The following DLGAP2 variants were observed in gnomAD, a reference collection of about 807,000 sequenced individuals.
The protein encoded by DLGAP2 is disks large-associated protein 2.
In DLGAP2, 26 loss-of-function variants were observed where a neutral mutation model predicts 100.3. The observed-to-expected ratio is 0.26, with a 90% CI of 0.19 to 0.36. DLGAP2 has a LOEUF of 0.36. Among genes scored for constraint, DLGAP2 ranks in the 10% least tolerant of loss-of-function variants. DLGAP2 has a pLI of 1.00. For missense variants in DLGAP2, 1,858 were observed against 1,453.2 expected (o/e 1.28, Z -4.53); for synonymous variants, 886 against 630.1 (o/e 1.41, Z -6.08).
intron 3 of DLGAP2, among the ~76,000 whole-genome samples, chr8:1,348,990 T>C (rs1882801): frequency 0.61 from 92,688 of 151,660 alleles, 29,836 homozygotes; most frequent in East Asian, 0.92. Flanking sequence ...TAAATATTCT[T>C]AGCATTCATT....
At chr8:855,546 T>C (rs2128988547) in intron 1 of DLGAP2, among the ~76,000 whole-genome samples, 1 of 152,236 alleles carries the variant, frequency 6.6e-6, no homozygotes, top group South Asian at 2.1e-4. Context: ...CACAGACACA[T>C]CAGGAGGAGT....
At chr8:1,459,711 A>C (rs1584925637) in intron 3 of DLGAP2, among the ~76,000 whole-genome samples, 1 of 100,094 alleles carries the variant, frequency 1.0e-5, no homozygotes, top group Non-Finnish European at 1.8e-5. Context: ...TTTGAGATGG[A>C]GTCTTGTTCT....
chr8:791,772 G>C (rs558455398), intron 1 of DLGAP2, among the ~76,000 whole-genome samples: 14 of 152,166 alleles, frequency 9.2e-5, no homozygotes, highest in Non-Finnish European at 1.5e-4. Context: ...GAGAGAACCC[G>C]TTATGCCTCC....
At chr8:1,512,244 A>G (rs912201991) in intron 4 of DLGAP2, among the ~76,000 whole-genome samples, 1 of 152,214 alleles carries the variant, frequency 6.6e-6, no homozygotes, top group Non-Finnish European at 1.5e-5. Flanking sequence ...GCTCCTCCCC[A>G]TAAATTTCAA....
At chr8:808,355 G>A (rs36089508) in intron 1 of DLGAP2, among the ~76,000 whole-genome samples, 19,750 of 152,200 alleles carry the variant, frequency 0.13, 1,790 homozygotes, top group East Asian at 0.51. Flanking sequence ...CCTGAAGTTC[G>A]TGGTGTGGGG....
Position 1,697,153 on chromosome 8 carries a change from A to G in DLGAP2, c.2803A>G (p.Ser935Gly), listed in dbSNP as rs767595715. ...ACCCTGTGTGTGTCCCCAGGACCCCAGCGCCATGCCGAGGCCGACGTCGCA... is the reference window on the plus strand; with the variant it reads ...ACCCTGTGTGTGTCCCCAGGACCCCGGCGCCATGCCGAGGCCGACGTCGCA... Reference protein sequence around the residue: ...YWLCQQNMDPSAMPRPTSQDL... With the variant: ...YWLCQQNMDPGAMPRPTSQDL... Residue 935 changes from serine (S) to glycine (G), a missense_variant, in exon 14 of 15, where the codon AGC (serine) becomes GGC (glycine). By Grantham distance (56) the Ser-to-Gly change is moderately conservative. Coordinates refer to ENST00000637795, the MANE Select transcript of DLGAP2 (RefSeq NM_001346810.2). The G allele has an allele frequency of 1.5e-5, 23 of 1,584,066 alleles. No homozygotes were observed. The highest frequency in any genetic ancestry group is 1.9e-5 in the Non-Finnish European group (22 of 1,163,716).
intron 2 of DLGAP2, among the ~76,000 whole-genome samples, chr8:941,678 C>T (rs1799199612): frequency 6.6e-6 from 1 of 152,220 alleles, no homozygotes; most frequent in Non-Finnish European, 1.5e-5. Flanking sequence ...GTGTCCTAAG[C>T]AGCTGTGTCC....
chr8:998,052 C>T (rs1800835371), intron 2 of DLGAP2, among the ~76,000 whole-genome samples: 1 of 151,730 alleles, frequency 6.6e-6, no homozygotes, highest in Non-Finnish European at 1.5e-5. Flanking sequence ...TACAGTCATA[C>T]ACAGAAACAT....
intron 3 of DLGAP2, among the ~76,000 whole-genome samples, chr8:1,490,611 G>A (rs1002181559): frequency 1.6e-4 from 25 of 152,166 alleles, no homozygotes; most frequent in Non-Finnish European, 2.6e-4. Flanking sequence ...GTAGGTAAAG[G>A]TGAAATGGGC....
intron 6 of DLGAP2, among the ~76,000 whole-genome samples, chr8:1,601,500 C>T (rs1796623096): frequency 6.6e-6 from 1 of 152,212 alleles, no homozygotes; most frequent in South Asian, 2.1e-4. Flanking sequence ...GGTGCTCTGT[C>T]CCAGAGAGAT....
intron 2 of DLGAP2, among the ~76,000 whole-genome samples, chr8:1,136,494 A>G (rs1796416178): frequency 6.6e-6 from 1 of 152,194 alleles, no homozygotes; most frequent in Non-Finnish European, 1.5e-5. Context: ...CTGGCTCTGC[A>G]TAATCAAAGC....
Position 808,233 on chromosome 8 carries a change from A to G in DLGAP2, c.18+70408A>G, listed in dbSNP as rs112033317. ...CACATTTGACCTCTGCCTCAGTGAT[A>G]CGTGTTGACGATGACTTACATGTGC... On this transcript the variant is annotated intron_variant, in intron 1 of 14. Coordinates refer to ENST00000637795, the MANE Select transcript of DLGAP2 (RefSeq NM_001346810.2). Among the ~76,000 whole-genome samples, 581 of 152,296 alleles carry G rather than the reference A, an allele frequency of 3.8e-3. 2 individuals carry two copies. Among genetic ancestry groups the G allele is most frequent in the African/African-American group, 0.013 (550 of 41,558 alleles).
At chr8:887,367 T>A (rs1797943702) in intron 1 of DLGAP2, among the ~76,000 whole-genome samples, 2 of 152,226 alleles carry the variant, frequency 1.3e-5, no homozygotes, top group African/African-American at 4.8e-5. Flanking sequence ...ATTTAGCCCA[T>A]TTACATTTAA....
chr8:1,651,474 G>C (rs1425729235), intron 8 of DLGAP2, among the ~76,000 whole-genome samples: 1 of 152,194 alleles, frequency 6.6e-6, no homozygotes, highest in African/African-American at 2.4e-5. Flanking sequence ...GGAAGTTCCT[G>C]GCATACAACA....
chr8:897,467 CT>C (rs1798165012), intron 1 of DLGAP2, among the ~76,000 whole-genome samples: 1 of 152,230 alleles, frequency 6.6e-6, no homozygotes, highest in African/African-American at 2.4e-5. Context: ...GCGATGCTTC[CT>C]CACAGTTGTA....
intron 4 of DLGAP2, among the ~76,000 whole-genome samples, chr8:1,533,135 GAAA>G (rs58058808): frequency 7.7e-4 from 92 of 119,734 alleles, no homozygotes; most frequent in African/African-American, 2.6e-3. Flanking sequence ...TGATTCTAGG[GAAA>G]AAAAAAAAAA....
intron 8 of DLGAP2, among the ~76,000 whole-genome samples, chr8:1,646,413 C>A (rs1475898857): frequency 6.6e-6 from 1 of 152,154 alleles, no homozygotes; most frequent in African/African-American, 2.4e-5. Flanking sequence ...CCATCTCTCT[C>A]TATATGTGTT....
At chr8:770,529 C>G (rs1287780383) in intron 1 of DLGAP2, among the ~76,000 whole-genome samples, 1 of 152,168 alleles carries the variant, frequency 6.6e-6, no homozygotes, top group South Asian at 2.1e-4. Context: ...GCTGCCAATC[C>G]CCCGCCTCCT....
chr8:858,365 T>A (rs982771004), intron 1 of DLGAP2, among the ~76,000 whole-genome samples: 7 of 152,252 alleles, frequency 4.6e-5, no homozygotes, highest in African/African-American at 1.7e-4. Context: ...CTGCATGGCA[T>A]TCTGGAAAAG....
Sources: allele counts gnomAD v4.1 joint callset (sites outside exome capture counted in the v4.1 genomes callset), GRCh38; gene constraint gnomAD v4.1.1; transcripts MANE v1.5; gene names NCBI Gene and HGNC (gene_info 2026-07-23, HGNC 2026-07-21).